The following CNGB3 variants were observed in gnomAD, a reference collection of about 807,000 sequenced individuals.
CNGB3 encodes cyclic nucleotide-gated channel beta-3.
Under a neutral mutation model 92.8 loss-of-function variants are expected in CNGB3, and 86 were observed. That is an observed-to-expected ratio of 0.93 (90% CI 0.78 to 1.11). CNGB3 has a LOEUF of 1.11. Ranked by LOEUF, CNGB3 falls within the 50% of genes least tolerant of loss-of-function variation. The pLI, the probability that CNGB3 is intolerant of heterozygous loss-of-function variation, is 0.00. For synonymous variants in CNGB3, 333 were observed against 332.7 expected (o/e 1.00, Z -0.01); for missense variants, 1,026 against 956.8 (o/e 1.07, Z -0.95).
At chr8:86,603,925 G>A (rs1180625272) in intron 15 of CNGB3, among the ~76,000 whole-genome samples, 168 bp downstream of exon 15, 1 of 152,184 alleles carries the variant, frequency 6.6e-6, no homozygotes, top group Non-Finnish European at 1.5e-5. Flanking sequence ...TTTTCCTTAG[G>A]TCGCTTTGGT....
In CNGB3 at chr8:86,689,532, T is replaced by C. The variant is rs371638962; in HGVS notation, c.339-18434A>G. On this transcript the variant is annotated intron_variant, in intron 3 of 17. Transcript: ENST00000320005. ...ATATTTTTTTTACTTTTTATTTTTA[T>C]TATTTCTTTATTTTTTTATTTTTAT... is the stretch of plus-strand genomic sequence containing the variant. 1.2e-4 allele frequency among the ~76,000 whole-genome samples: 18 copies of C among 150,760 alleles called. 1 individual carries two copies. Among genetic ancestry groups the C allele is most frequent in the Admixed American group, 5.9e-4 (9 of 15,164 alleles).
At chr8:86,581,593 A>T (rs1320806590) in intron 15 of CNGB3, among the ~76,000 whole-genome samples, 3 of 152,190 alleles carry the variant, frequency 2.0e-5, no homozygotes, top group Non-Finnish European at 4.4e-5. Flanking sequence ...CATTTTTCCC[A>T]ATGCAGCCCC....
chr8:86,668,012 A>G lies in CNGB3; in HGVS notation c.643+7T>C, dbSNP rs1448349124. 2.5e-6 allele frequency: 4 copies of G among 1,614,006 alleles called. No homozygotes were observed. The highest frequency in any genetic ancestry group is 2.5e-6 in the Non-Finnish European group (3 of 1,179,952). ...TCCCACTATGATAATTCACCCTTTG[A>G]TAATACCTGTGTATGAATCTATGCT... is the stretch of plus-strand genomic sequence containing the variant. On this transcript the variant is annotated splice_region_variant and intron_variant, in intron 5 of 17. Transcript: ENST00000320005.
intron 13 of CNGB3, among the ~76,000 whole-genome samples, chr8:86,625,459 C>T (rs1480479062): frequency 6.6e-6 from 1 of 152,096 alleles, no homozygotes; most frequent in Non-Finnish European, 1.5e-5. Flanking sequence ...AGTAGTAATA[C>T]TTAAAACACT....
At chr8:86,718,856 A>G (rs1245332897) in intron 3 of CNGB3, among the ~76,000 whole-genome samples, 1 of 152,116 alleles carries the variant, frequency 6.6e-6, no homozygotes, top group Non-Finnish European at 1.5e-5. Flanking sequence ...GGATACAGGG[A>G]TGGCTTTTCA....
chr8:86,607,350 C>T (rs1244082738), intron 14 of CNGB3, among the ~76,000 whole-genome samples: 2 of 152,120 alleles, frequency 1.3e-5, no homozygotes, highest in South Asian at 2.1e-4. Flanking sequence ...TGGTTGTTAG[C>T]GTGTGGACTA....
chr8:86,707,803 A>G (rs1824677686), intron 3 of CNGB3: 1 of 152,274 alleles, frequency 6.6e-6, no homozygotes, highest in Non-Finnish European at 1.5e-5. Context: ...GAACTAGGAG[A>G]GTAGCAGTGG....
intron 3 of CNGB3, among the ~76,000 whole-genome samples, chr8:86,714,079 A>G (rs1376179924): frequency 6.6e-6 from 1 of 152,150 alleles, no homozygotes; most frequent in African/African-American, 2.4e-5. Flanking sequence ...TGAACATTCT[A>G]TGAGTTAGGA....
At chr8:86,725,268 T>C (rs1197856450) in intron 3 of CNGB3, among the ~76,000 whole-genome samples, 1 of 152,158 alleles carries the variant, frequency 6.6e-6, no homozygotes, top group Non-Finnish European at 1.5e-5. Context: ...AAATCTTTTG[T>C]AGTCTAATAT....
chr8:86,633,192 A>G (rs1822995948), intron 10 of CNGB3, among the ~76,000 whole-genome samples: 1 of 152,218 alleles, frequency 6.6e-6, no homozygotes, highest in Non-Finnish European at 1.5e-5. Context: ...TGCAAAGCCC[A>G]ACAGAGATGA....
At chr8:86,733,023 T>C (rs1223640315) in intron 2 of CNGB3, among the ~76,000 whole-genome samples, 1 of 152,166 alleles carries the variant, frequency 6.6e-6, no homozygotes, top group Non-Finnish European at 1.5e-5. Context: ...AACTTTTCTT[T>C]TTTTTTGTTA....
intron 15 of CNGB3, among the ~76,000 whole-genome samples, chr8:86,583,590 A>G (rs1040700302): frequency 3.3e-5 from 5 of 152,160 alleles, no homozygotes; most frequent in African/African-American, 4.8e-5. Flanking sequence ...TGCACCTAGC[A>G]TTAATGACAG....
At chr8:86,654,845 C>G (rs990420284) in intron 6 of CNGB3, among the ~76,000 whole-genome samples, 2 of 152,154 alleles carry the variant, frequency 1.3e-5, no homozygotes, top group African/African-American at 2.4e-5. Flanking sequence ...CTTTTCTCAT[C>G]ATACTTGCTT....
chr8:86,595,805 A>G (rs1193935372), intron 15 of CNGB3, among the ~76,000 whole-genome samples: 2 of 152,226 alleles, frequency 1.3e-5, no homozygotes, highest in Admixed American at 1.3e-4. Context: ...AAAACTGAGT[A>G]TTCAGAAGAA....
chr8:86,651,589 T>G (rs1823404640), intron 7 of CNGB3, among the ~76,000 whole-genome samples: 1 of 151,844 alleles, frequency 6.6e-6, no homozygotes, highest in Admixed American at 6.6e-5. Flanking sequence ...GTTTTTGGCT[T>G]AAATCATAAC....
intron 3 of CNGB3, among the ~76,000 whole-genome samples, chr8:86,724,433 T>C (rs1825023562): frequency 6.6e-6 from 1 of 152,106 alleles, no homozygotes; most frequent in South Asian, 2.1e-4. Context: ...GTTTTGAAAA[T>C]CTAGCAGTTC....
At chr8:86,587,818 C>T (rs55961213) in intron 15 of CNGB3, among the ~76,000 whole-genome samples, 44,233 of 150,366 alleles carry the variant, frequency 0.29, 8,093 homozygotes, top group Non-Finnish European at 0.42. Context: ...CTTGGCGATG[C>T]GGGCTCTTTT....
chr8:86,600,251 C>A (rs146618583), intron 15 of CNGB3, among the ~76,000 whole-genome samples: 13 of 152,288 alleles, frequency 8.5e-5, no homozygotes, highest in African/African-American at 2.9e-4. Flanking sequence ...ACACTCTCTT[C>A]CTGGGACACA....
chr8:86,716,942 T>C (rs1824864549), intron 3 of CNGB3, among the ~76,000 whole-genome samples: 1 of 152,122 alleles, frequency 6.6e-6, no homozygotes, highest in African/African-American at 2.4e-5. Context: ...GGATAATAAT[T>C]CACCAACAAA....
Sources: allele counts gnomAD v4.1 joint callset (sites outside exome capture counted in the v4.1 genomes callset), GRCh38; gene constraint gnomAD v4.1.1; transcripts MANE v1.5; gene names NCBI Gene and HGNC (gene_info 2026-07-23, HGNC 2026-07-21).